DMD: variants seen among roughly 807,000 people sequenced by gnomAD.
DMD encodes mutant dystrophin.
Under a neutral mutation model 330.1 loss-of-function variants are expected in DMD, and 63 were observed. The observed-to-expected ratio is 0.19, with a 90% CI of 0.16 to 0.24. The LOEUF (loss-of-function observed/expected upper bound fraction) is 0.24. Ranked by LOEUF, DMD falls within the 10% of genes least tolerant of loss-of-function variation. The probability of loss-of-function intolerance (pLI) is 1.00; values close to 1 mark genes in which losing one functional copy is unlikely to be tolerated. For synonymous variants in DMD, 1,223 were observed against 959.8 expected (o/e 1.27, Z -5.07); for missense variants, 3,344 against 2,684.1 (o/e 1.25, Z -5.43).
intron 55 of DMD, among the ~76,000 whole-genome samples, chrX:31,571,581 A>C (rs1188371144): frequency 9.0e-6 from 1 of 111,229 alleles, no homozygotes; most frequent in Non-Finnish European, 1.9e-5. Flanking sequence ...CTATATTTCA[A>C]TTGCTCAGTA....
chrX:32,356,274 C>T (rs976592200), intron 37 of DMD, among the ~76,000 whole-genome samples: 3 of 105,810 alleles, frequency 2.8e-5, no homozygotes, highest in East Asian at 3.0e-4. Context: ...ATATATTCTA[C>T]ATTACATGGG....
intron 1 of DMD, among the ~76,000 whole-genome samples, chrX:33,308,252 A>G (rs1308610075): frequency 8.9e-6 from 1 of 112,022 alleles, no homozygotes; most frequent in Non-Finnish European, 1.9e-5. Flanking sequence ...TCCTTCCTAC[A>G]TGTCCTTGCC....
chrX:31,384,819 C>A (rs1436870476), intron 60 of DMD, among the ~76,000 whole-genome samples: 1 of 111,986 alleles, frequency 8.9e-6, no homozygotes. Context: ...CTGAGAAACC[C>A]TCTACCCAAT....
At chrX:33,051,355 G>A (rs1049427024) in intron 1 of DMD, among the ~76,000 whole-genome samples, 20 of 108,017 alleles carry the variant, frequency 1.9e-4, no homozygotes, top group Non-Finnish European at 1.9e-4. Flanking sequence ...GGGATTAGAG[G>A]CACCCACCAC....
At chrX:31,561,336 C>T (rs7064330) in intron 55 of DMD, among the ~76,000 whole-genome samples, 6,985 of 110,611 alleles carry the variant, frequency 0.063, 278 homozygotes, top group Admixed American at 0.17. Context: ...CCCCTTTGGG[C>T]TGAAACTGAA....
chrX:32,005,679 A>G (rs922230866), intron 44 of DMD, among the ~76,000 whole-genome samples: 1 of 110,787 alleles, frequency 9.0e-6, no homozygotes, highest in African/African-American at 3.3e-5. Flanking sequence ...AATAAAGAAT[A>G]TTACCACCTT....
intron 1 of DMD, among the ~76,000 whole-genome samples, chrX:33,187,264 A>G (rs189000655): frequency 9.5e-4 from 107 of 112,696 alleles, no homozygotes; most frequent in African/African-American, 1.3e-3. Context: ...AATTGCAATC[A>G]CTATTCATAA....
intron 7 of DMD, among the ~76,000 whole-genome samples, chrX:32,772,597 A>G (rs191144375): frequency 2.7e-5 from 3 of 112,133 alleles, no homozygotes; most frequent in East Asian, 5.6e-4. Flanking sequence ...AGTGCAGCTC[A>G]AGAGCCTATG....
chrX:32,463,553 G>C lies in DMD; in HGVS notation c.3318C>G (p.Asn1106Lys). ...TCTTCTGCCCACCTTCATTGACACTGTTTAGACTGGGCTGAATTGTCTGAA... is the reference window on the plus strand; with the variant it reads ...TCTTCTGCCCACCTTCATTGACACTCTTTAGACTGGGCTGAATTGTCTGAA... ...SDIQTIQPSL[N>K]SVNEGGQKIK... The change falls in exon 25 of 79, where the codon AAC (asparagine) becomes AAG (lysine). Residue 1106 changes from asparagine to lysine, a missense_variant. Physicochemically the swap from Asn to Lys is moderately conservative, Grantham distance 94. Coordinates refer to ENST00000357033, the MANE Select transcript of DMD (RefSeq NM_004006.3). The C allele has an allele frequency of 8.4e-7, 1 of 1,196,410 alleles. No individual in the cohort carries two copies. Among genetic ancestry groups the C allele is most frequent in the African/African-American group, 1.7e-5 (1 of 57,488 alleles).
At chrX:32,627,938 T>A (rs1369180734) in intron 11 of DMD, among the ~76,000 whole-genome samples, 1 of 110,788 alleles carries the variant, frequency 9.0e-6, no homozygotes, top group Non-Finnish European at 1.9e-5. Context: ...TGTTTATATT[T>A]ATGGGATACA....
chrX:31,179,317 A>C (rs375267531), intron 69 of DMD, among the ~76,000 whole-genome samples: 2 of 112,626 alleles, frequency 1.8e-5, no homozygotes, highest in African/African-American at 6.4e-5. Flanking sequence ...CTGATGATGG[A>C]AGAGAGAGAT....
At chrX:32,374,890 T>C (rs1171689752) in intron 34 of DMD, among the ~76,000 whole-genome samples, 4 of 111,875 alleles carry the variant, frequency 3.6e-5, no homozygotes, top group Non-Finnish European at 7.5e-5. Flanking sequence ...AAAAAGAAAG[T>C]AATCGAGAAA....
chrX:31,972,030 T>G (rs1873340663), intron 44 of DMD, among the ~76,000 whole-genome samples: 2 of 111,505 alleles, frequency 1.8e-5, no homozygotes, highest in Non-Finnish European at 3.8e-5. Context: ...CGTGGGGAGC[T>G]TTTCAAAATA....
chrX:32,128,094 C>A (rs868567646), intron 44 of DMD, among the ~76,000 whole-genome samples: 8 of 112,180 alleles, frequency 7.1e-5, no homozygotes, highest in Non-Finnish European at 1.3e-4. Flanking sequence ...ATTCTTTTAA[C>A]TTTCTATATA....
At chrX:32,745,046 GTA>G (rs1383859596) in intron 7 of DMD, among the ~76,000 whole-genome samples, 1 of 111,838 alleles carries the variant, frequency 8.9e-6, no homozygotes, top group African/African-American at 3.3e-5. Context: ...AGTTTGAGAT[GTA>G]GATTGTTATT....
At chrX:31,293,216 T>TA (rs1569519886) in intron 62 of DMD, among the ~76,000 whole-genome samples, 5 of 94,372 alleles carry the variant, frequency 5.3e-5, no homozygotes, top group African/African-American at 2.3e-4. Context: ...TGTGTGTGTG[T>TA]GTGTGTGTGT....
chrX:31,475,386 T>C (rs1255733459), intron 59 of DMD, among the ~76,000 whole-genome samples: 2 of 111,761 alleles, frequency 1.8e-5, no homozygotes, highest in Non-Finnish European at 3.8e-5. Flanking sequence ...TTAGTTATTT[T>C]TAATTATTAA....
At chrX:33,009,988 GTA>G (rs1249498269) in intron 2 of DMD, among the ~76,000 whole-genome samples, 2 of 54,461 alleles carry the variant, frequency 3.7e-5, no homozygotes, top group African/African-American at 2.0e-4. Flanking sequence ...ACACATGTGT[GTA>G]TATACACGTA....
Position 31,496,882 on chromosome X carries a change from A to G in DMD, c.8453T>C (p.Leu2818Pro). The G allele has an allele frequency of 8.3e-7, 1 of 1,211,628 alleles. No homozygotes were observed. The highest frequency in any genetic ancestry group is 3.0e-5 in the East Asian group (1 of 33,840). Reference sequence around the variant, plus strand: ...ATCATCTTTCAGCTGTAGCCACACCAGAAGTTCCTGCAGAGAAAGGTGCAG... The same window carrying G: ...ATCATCTTTCAGCTGTAGCCACACCGGAAGTTCCTGCAGAGAAAGGTGCAG... ...KRLHLSLQELLVWLQLKDDEL... is the reference protein window; with the variant it reads ...KRLHLSLQELPVWLQLKDDEL... Residue 2818 changes from leucine to proline, a missense_variant, in exon 57 of 79, where the codon CTG (leucine) becomes CCG (proline). Leu to Pro is a moderately conservative substitution (Grantham distance 98, BLOSUM62 -3). Transcript: ENST00000357033.
Sources: gnomAD v4.1 joint callset for allele counts (sites outside exome capture counted in the v4.1 genomes callset) on GRCh38, gnomAD v4.1.1 for gene constraint, MANE v1.5 for transcripts, NCBI Gene and HGNC (gene_info 2026-07-23, HGNC 2026-07-21) for gene names.